The following PDE6A variants were observed in gnomAD, a reference collection of about 807,000 sequenced individuals.
PDE6A encodes the protein rod cGMP-specific 3',5'-cyclic phosphodiesterase subunit alpha.
PDE6A carries 84 observed loss-of-function variants against 106.3 expected under a neutral mutation model. The observed-to-expected ratio is 0.79, with a 90% CI of 0.66 to 0.95. The LOEUF (loss-of-function observed/expected upper bound fraction) is 0.95. Among genes scored for constraint, PDE6A ranks in the 40% least tolerant of loss-of-function variants. The probability of loss-of-function intolerance (pLI) is 0.00; values close to 1 mark genes in which losing one functional copy is unlikely to be tolerated. For synonymous variants in PDE6A, 394 were observed against 386.6 expected (o/e 1.02, Z -0.23); for missense variants, 1,052 against 1,084.9 (o/e 0.97, Z 0.43).
rs538613416 is a variant in PDE6A, at chr5:149,880,414, GA to G, written c.2135+3014del. Reference sequence around the variant, plus strand: ...GAAGTCAAAAAAAGAAAAACATTAGGAAAAAACAGAAGTCAGCTGGGGGTGG... The same window carrying G: ...GAAGTCAAAAAAAGAAAAACATTAGGAAAAACAGAAGTCAGCTGGGGGTGG... On this transcript the variant is annotated intron_variant, in intron 17 of 21. Coordinates refer to ENST00000255266, the MANE Select transcript of PDE6A (RefSeq NM_000440.3). Among the ~76,000 whole-genome samples the G allele has an allele frequency of 1.1e-3, 167 of 152,134 alleles. 2 individuals are homozygous for G. Among genetic ancestry groups the G allele is most frequent in the Middle Eastern group, 6.8e-3 (2 of 294 alleles).
At chr5:149,897,502 AAC>A (rs1752798362) in intron 10 of PDE6A, among the ~76,000 whole-genome samples, 1 of 152,216 alleles carries the variant, frequency 6.6e-6, no homozygotes, top group Non-Finnish European at 1.5e-5. Context: ...TTCTGAATTT[AAC>A]AGTTATTGGA....
chr5:149,909,316 C>A (rs941987137), intron 6 of PDE6A, among the ~76,000 whole-genome samples: 1 of 152,148 alleles, frequency 6.6e-6, no homozygotes, highest in African/African-American at 2.4e-5. Flanking sequence ...GCCATCACAC[C>A]CAGCCAATTT....
intron 4 of PDE6A, among the ~76,000 whole-genome samples, chr5:149,930,763 T>A (rs1300436634): frequency 6.6e-6 from 1 of 152,180 alleles, no homozygotes; most frequent in African/African-American, 2.4e-5. Context: ...CTTCATCACC[T>A]CATCAGTTTC....
intron 17 of PDE6A, among the ~76,000 whole-genome samples, chr5:149,874,388 C>T (rs1382518274): frequency 1.3e-5 from 2 of 152,122 alleles, no homozygotes; most frequent in African/African-American, 2.4e-5. Flanking sequence ...CTCAGGGAAA[C>T]ACTTTACTTA....
intron 17 of PDE6A, among the ~76,000 whole-genome samples, chr5:149,876,913 T>TGATAGATAGATA (rs201047279): frequency 5.3e-5 from 8 of 151,276 alleles, no homozygotes; most frequent in African/African-American, 2.0e-4. Flanking sequence ...TGATGAGAGA[T>TGATAGATAGATA]GATAGATAGA....
chr5:149,894,070 G>A (rs1715737040), intron 13 of PDE6A, among the ~76,000 whole-genome samples: 1 of 152,156 alleles, frequency 6.6e-6, no homozygotes, highest in African/African-American at 2.4e-5. Context: ...ACATTAGAGG[G>A]AAATCTTGGA....
rs751369227 is a variant in PDE6A at position 149,915,013 on chromosome 5, A to G, written c.934-6T>C. 6.5e-7 allele frequency: 1 copy of G among 1,538,844 alleles called. No homozygotes were observed. Among genetic ancestry groups the G allele is most frequent in the Non-Finnish European group, 9.0e-7 (1 of 1,116,928 alleles). ...ACCTTGTAAAAGTTAATTTCCTGGCAAAAGAGAGAAAAATTATACTTTTTT... is the reference window on the plus strand; with the variant it reads ...ACCTTGTAAAAGTTAATTTCCTGGCGAAAGAGAGAAAAATTATACTTTTTT... On this transcript the variant is annotated splice_polypyrimidine_tract_variant and splice_region_variant and intron_variant, in intron 5 of 21. Coordinates refer to ENST00000255266, the MANE Select transcript of PDE6A (RefSeq NM_000440.3).
chr5:149,932,007 C>T, intron 3 of PDE6A: 9 of 1,490,546 alleles, frequency 6.0e-6, no homozygotes, highest in Non-Finnish European at 8.4e-6. Context: ...CTGATGTTAC[C>T]TCTAGCGGCA....
chr5:149,861,110 C>T, intron 21 of PDE6A, 139 bp from the exon 22 acceptor site: 5 of 720,730 alleles, frequency 6.9e-6, no homozygotes, highest in Non-Finnish European at 7.5e-6. Context: ...AGAAGGCAAA[C>T]CAGGTGTGAG....
In PDE6A at chr5:149,883,288, T is replaced by C. The variant is rs1220000062; in HGVS notation, c.2135+141A>G. ...TGGCTTGTGCAATTGGAATTTGGCA[T>C]AACTTCATTTTTTTCATATGTTGAA... On this transcript the variant is annotated intron_variant, in intron 17 of 21. Coordinates refer to ENST00000255266, the MANE Select transcript of PDE6A (RefSeq NM_000440.3). 32 of 684,602 alleles carry C rather than the reference T, an allele frequency of 4.7e-5. No individual in the cohort carries two copies. In the East Asian group the frequency reaches 8.5e-4, roughly 18 times the overall value. The allele number at this position is 684,602 out of a possible 1,614,324, so 42.4% of individuals were successfully genotyped here.
At position 149,892,315 on chromosome 5, in the gene PDE6A, CA is replaced by C. The variant is rs927715876; in HGVS notation, c.1728+2867del. Reference sequence around the variant, plus strand: ...TGGGCAACAGAGTAGGAGCTCAAATCAAAAAAAAAACTTAAAAAAATGTTTT... The same window carrying C: ...TGGGCAACAGAGTAGGAGCTCAAATCAAAAAAAAACTTAAAAAAATGTTTT... On this transcript the variant is annotated intron_variant, in intron 13 of 21. Transcript: ENST00000255266. Among the ~76,000 whole-genome samples the C allele has an allele frequency of 7.1e-3, 1,035 of 146,022 alleles. 13 individuals are homozygous for C. Among genetic ancestry groups the C allele is most frequent in the African/African-American group, 0.025 (989 of 39,908 alleles).
At chr5:149,943,476 C>T (rs1754373021) in intron 1 of PDE6A, among the ~76,000 whole-genome samples, 1 of 152,198 alleles carries the variant, frequency 6.6e-6, no homozygotes. Flanking sequence ...TGCACTACCA[C>T]ATCCAGCTAA....
chr5:149,902,819 CT>C (rs1360984005), intron 8 of PDE6A, among the ~76,000 whole-genome samples: 2 of 145,994 alleles, frequency 1.4e-5, no homozygotes, highest in African/African-American at 5.2e-5. Flanking sequence ...GAGACTCCGT[CT>C]CAAAAAAAAA....
At chr5:149,862,612 G>A (rs1402653243) in intron 21 of PDE6A, among the ~76,000 whole-genome samples, 9 of 152,142 alleles carry the variant, frequency 5.9e-5, no homozygotes, top group Non-Finnish European at 1.5e-5. Context: ...ACAAAAATTA[G>A]CCAGGCATGG....
At chr5:149,877,629 C>T (rs897073871) in intron 17 of PDE6A, among the ~76,000 whole-genome samples, 23 of 152,256 alleles carry the variant, frequency 1.5e-4, no homozygotes, top group African/African-American at 5.3e-4. Flanking sequence ...AGACTGGTCT[C>T]GAACTCCTGA....
intron 17 of PDE6A, among the ~76,000 whole-genome samples, chr5:149,872,360 T>C (rs1274083673): frequency 1.3e-5 from 2 of 152,258 alleles, no homozygotes; most frequent in Non-Finnish European, 2.9e-5. Context: ...CTTACTGTGA[T>C]GATCACATAA....
intron 7 of PDE6A, among the ~76,000 whole-genome samples, chr5:149,905,636 C>T (rs1753151928): frequency 6.6e-6 from 1 of 152,152 alleles, no homozygotes; most frequent in Non-Finnish European, 1.5e-5. Flanking sequence ...TTCTTGTGTT[C>T]TTGCCTCTGT....
At chr5:149,891,698 G>A (rs759850975) in intron 13 of PDE6A, among the ~76,000 whole-genome samples, 1 of 152,058 alleles carries the variant, frequency 6.6e-6, no homozygotes, top group Non-Finnish European at 1.5e-5. Flanking sequence ...AGCTACTTGG[G>A]AGGCTGAGAT....
intron 8 of PDE6A, among the ~76,000 whole-genome samples, chr5:149,900,230 C>T (rs1006537699): frequency 6.6e-6 from 1 of 151,560 alleles, no homozygotes; most frequent in Non-Finnish European, 1.5e-5. Flanking sequence ...GATGTGGCGG[C>T]ATGCTCCTGT....
Sources: gnomAD v4.1 joint callset for allele counts (sites outside exome capture counted in the v4.1 genomes callset) on GRCh38, gnomAD v4.1.1 for gene constraint, MANE v1.5 for transcripts, NCBI Gene and HGNC (gene_info 2026-07-23, HGNC 2026-07-21) for gene names.